KCNK12: variants seen among roughly 807,000 people sequenced by gnomAD.
KCNK12 encodes potassium channel subfamily K member 12.
In KCNK12, 6 loss-of-function variants were observed where a neutral mutation model predicts 25.3. That is an observed-to-expected ratio of 0.24 (90% CI 0.13 to 0.47). The LOEUF is 0.47. Among genes scored for constraint, KCNK12 ranks in the 20% least tolerant of loss-of-function variants. The probability of loss-of-function intolerance (pLI) is 0.99; values close to 1 mark genes in which losing one functional copy is unlikely to be tolerated. For synonymous variants in KCNK12, 331 were observed against 311.1 expected, an observed-to-expected ratio of 1.06 and a Z score of -0.67; for missense variants, 444 against 661.7, an observed-to-expected ratio of 0.67 and a Z score of 3.61.
chr2:47,541,285 T>TA (rs1281889592), intron 1 of KCNK12, among the ~76,000 whole-genome samples: 8 of 152,236 alleles, frequency 5.3e-5, no homozygotes, highest in Admixed American at 3.3e-4. Context: ...CCTGCACTCT[T>TA]AGAGTTTGTG....
In KCNK12 at chr2:47,562,607, GGGTTTGGGGT is replaced by G. The variant is rs1669700511; in HGVS notation, c.391+7324_391+7333del. ...CCTGGTAGGTGGCTAGGGAATGGCA[GGGTTTGGGGT>G]AGAACTTCCTGGGGCCAGAGTCTCA... On this transcript the variant is annotated intron_variant, in intron 1 of 1. Coordinates refer to ENST00000327876, the MANE Select transcript of KCNK12 (RefSeq NM_022055.2). This position sits in a 1 kb window ranked among gnomAD's most constrained non-coding sequence, Gnocchi z 4.8. 4.3e-6 allele frequency: 1 copy of G among 233,456 alleles called. No homozygotes were observed. The highest frequency in any genetic ancestry group is 2.2e-5 in the African/African-American group (1 of 45,370). The allele number at this position is 233,456 out of a possible 1,614,324, so 14.5% of individuals were successfully genotyped here. A position where few individuals can be genotyped will look rare whatever the true frequency, so the allele number is the denominator to read the frequency against.
rs1238471690 is a variant in KCNK12, at chr2:47,538,026, G to A, written c.392-16218C>T. Among the ~76,000 whole-genome samples, 2 of 152,188 alleles carry A rather than the reference G, an allele frequency of 1.3e-5. No individual in the cohort carries two copies. Among genetic ancestry groups the A allele is most frequent in the Admixed American group, 1.3e-4 (2 of 15,290 alleles). Reference sequence around the variant, plus strand: ...ACTTTCCAGGGAGCACGTGTGGTATGAGAATGAAGGCCCCTGAGGAACTTC... The same window carrying A: ...ACTTTCCAGGGAGCACGTGTGGTATAAGAATGAAGGCCCCTGAGGAACTTC... On this transcript the variant is annotated intron_variant, in intron 1 of 1. Transcript: ENST00000327876. This position sits in a 1 kb window ranked among gnomAD's most constrained non-coding sequence, Gnocchi z 4.5.
intron 1 of KCNK12, among the ~76,000 whole-genome samples, chr2:47,524,830 G>A (rs897123465): frequency 6.6e-6 from 1 of 152,138 alleles, no homozygotes; most frequent in African/African-American, 2.4e-5. Context: ...CACTGTATAG[G>A]TGAGGGAGTA....
At position 47,570,254 on chromosome 2, in the gene KCNK12, G is replaced by A. The variant is rs1235306000; in HGVS notation, c.78C>T (p.Cys26=). ...CCTCGTTGAGGTGCGAACGGCGGCA[G>A]CAGCAGCAGCAGCAGGAGGGGCGCG... ...RLPRPSCCCC[C]CRRSHLNEDT... is the part of the protein sequence containing the mutation. Residue 26 remains cysteine (C), a synonymous_variant, in exon 1 of 2, where the codon TGC becomes TGT. Transcript: ENST00000327876. 1 of 1,435,210 alleles carries A rather than the reference G, an allele frequency of 7.0e-7. No individual in the cohort carries two copies. The highest frequency in any genetic ancestry group is 1.4e-5 in the South Asian group (1 of 73,258). The allele number at this position is 1,435,210 out of a possible 1,614,324, so 88.9% of individuals were successfully genotyped here. A position where few individuals can be genotyped will look rare whatever the true frequency, so the allele number is the denominator to read the frequency against.
At chr2:47,564,582 C>T (rs1435042358) in intron 1 of KCNK12, 1 of 194,522 alleles carries the variant, frequency 5.1e-6, no homozygotes, top group South Asian at 1.9e-4. Context: ...GCTCAGTACA[C>T]ATCAGTTAGT....
At chr2:47,532,141 C>T (rs975419166) in intron 1 of KCNK12, among the ~76,000 whole-genome samples, 2 of 151,820 alleles carry the variant, frequency 1.3e-5, no homozygotes, top group Non-Finnish European at 2.9e-5. Flanking sequence ...ATTAGGGATA[C>T]AGCTTTAAAC....
At position 47,548,691 on chromosome 2, in the gene KCNK12, G is replaced by C. The variant is rs184140172; in HGVS notation, c.391+21250C>G. 6.6e-6 allele frequency among the ~76,000 whole-genome samples: 1 copy of C among 152,196 alleles called. No homozygotes were observed. Among genetic ancestry groups the C allele is most frequent in the East Asian group, 1.9e-4 (1 of 5,200 alleles). ...AACCAGGAAACCGGAAAAAGTCTAT[G>C]AGATAATTATTTTCAGACATTGGAA... On this transcript the variant is annotated intron_variant, in intron 1 of 1. Coordinates refer to ENST00000327876, the MANE Select transcript of KCNK12 (RefSeq NM_022055.2). The surrounding 1 kb of genome is among the most constrained non-coding windows in gnomAD (Gnocchi z 4.4).
Position 47,516,137 on chromosome 2 carries a change from G to A in KCNK12, c.*4770C>T, listed in dbSNP as rs979845849. Among the ~76,000 whole-genome samples, 1 of 152,104 alleles carries A rather than the reference G, an allele frequency of 6.6e-6. No individual in the cohort carries two copies. Among genetic ancestry groups the A allele is most frequent in the Non-Finnish European group, 1.5e-5 (1 of 68,010 alleles). On this transcript the variant is annotated 3_prime_UTR_variant, in exon 2 of 2. Coordinates refer to ENST00000327876, the MANE Select transcript of KCNK12 (RefSeq NM_022055.2). ...AGAATTCAGACCTCCTAGTTTCTAA[G>A]TGGACGCTCTTTCTACACCACCATA... is the stretch of plus-strand genomic sequence containing the variant.
chr2:47,542,638 C>T (rs1669225136), intron 1 of KCNK12, among the ~76,000 whole-genome samples: 1 of 152,168 alleles, frequency 6.6e-6, no homozygotes, highest in African/African-American at 2.4e-5. Flanking sequence ...CCCAGTCACA[C>T]TACATAGATT....
rs964136649 is a variant in KCNK12 at position 47,570,393 on chromosome 2, G to C, written c.-62C>G. 62 of 1,211,038 alleles carry C rather than the reference G, an allele frequency of 5.1e-5. No individual in the cohort carries two copies. The highest frequency in any genetic ancestry group is 1.1e-4 in the African/African-American group (7 of 62,866). 75.0% of individuals were successfully genotyped at this position (1,211,038 alleles called of 1,614,324 possible). On this transcript the variant is annotated 5_prime_UTR_variant, in exon 1 of 2. Transcript: ENST00000327876. The stretch of plus-strand genomic sequence containing the variant: ...GGGGCCCGGGCCACGACATCCCCCC[G>C]GCGGGAGCAGGAGCGTGAGGATGGT...
At position 47,520,509 on chromosome 2, in the gene KCNK12, T is replaced by A. The variant is rs996522564; in HGVS notation, c.*398A>T. On this transcript the variant is annotated 3_prime_UTR_variant, in exon 2 of 2. Transcript: ENST00000327876. The surrounding 1 kb of genome is among the most constrained non-coding windows in gnomAD (Gnocchi z 5.0). The stretch of plus-strand genomic sequence containing the variant: ...TAGGCTGGGCCAGGATTCTAAATGC[T>A]GAGGAGGTAATTCAGAGCCACGAAA... 2 of 164,574 alleles carry A rather than the reference T, an allele frequency of 1.2e-5. No homozygotes were observed. The highest frequency in any genetic ancestry group is 4.8e-5 in the African/African-American group (2 of 41,974). 10.2% of individuals were successfully genotyped at this position (164,574 alleles called of 1,614,324 possible).
At position 47,533,786 on chromosome 2, in the gene KCNK12, G is replaced by C. The variant is rs938134605; in HGVS notation, c.392-11978C>G. On this transcript the variant is annotated intron_variant, in intron 1 of 1. Coordinates refer to ENST00000327876, the MANE Select transcript of KCNK12 (RefSeq NM_022055.2). The surrounding 1 kb of genome is among the most constrained non-coding windows in gnomAD (Gnocchi z 4.7). ...TGGGCTGCTCTATTTGTTGGCGCTT[G>C]CTGGTTTGTCTGATTTGCAGAGCTG... Among the ~76,000 whole-genome samples the C allele has an allele frequency of 6.6e-6, 1 of 152,224 alleles. No homozygotes were observed. Among genetic ancestry groups the C allele is most frequent in the Non-Finnish European group, 1.5e-5 (1 of 68,042 alleles).
rs1042334987 is a variant in KCNK12 at position 47,528,132 on chromosome 2, A to C, written c.392-6324T>G. ...TAGCTAGGGAGTGCTGCAGGCCCCAAATGATGCTAAATACTAGACTAGCTG... is the reference window on the plus strand; with the variant it reads ...TAGCTAGGGAGTGCTGCAGGCCCCACATGATGCTAAATACTAGACTAGCTG... On this transcript the variant is annotated intron_variant, in intron 1 of 1. Coordinates refer to ENST00000327876, the MANE Select transcript of KCNK12 (RefSeq NM_022055.2). The surrounding 1 kb of genome is among the most constrained non-coding windows in gnomAD (Gnocchi z 4.5). Among the ~76,000 whole-genome samples the C allele has an allele frequency of 1.3e-5, 2 of 152,186 alleles. No individual in the cohort carries two copies. Among genetic ancestry groups the C allele is most frequent in the Non-Finnish European group, 2.9e-5 (2 of 68,032 alleles).
At chr2:47,543,404 C>G (rs560434370) in intron 1 of KCNK12, 8 of 152,154 alleles carry the variant, frequency 5.3e-5, no homozygotes, top group African/African-American at 1.9e-4. Flanking sequence ...AAGCATTATC[C>G]TCGGTTTTTA....
rs188363681 is a variant in KCNK12 at position 47,513,994 on chromosome 2, G to C, written c.*6913C>G. On this transcript the variant is annotated 3_prime_UTR_variant, in exon 2 of 2. Coordinates refer to ENST00000327876, the MANE Select transcript of KCNK12 (RefSeq NM_022055.2). Reference sequence around the variant, plus strand: ...TTAAAACCCCTCCACTGGCTTGCCAGTGTCCTCAGGATTAGGCGAAAAGTC... The same window carrying C: ...TTAAAACCCCTCCACTGGCTTGCCACTGTCCTCAGGATTAGGCGAAAAGTC... 3.9e-5 allele frequency among the ~76,000 whole-genome samples: 6 copies of C among 152,294 alleles called. No homozygotes were observed. Among genetic ancestry groups the C allele is most frequent in the Non-Finnish European group, 8.8e-5 (6 of 68,022 alleles).
rs754903645 is a variant in KCNK12 at position 47,540,118 on chromosome 2, A to G, written c.392-18310T>C. Among the ~76,000 whole-genome samples the G allele has an allele frequency of 3.3e-5, 5 of 152,214 alleles. No homozygotes were observed. Among genetic ancestry groups the G allele is most frequent in the Non-Finnish European group, 7.3e-5 (5 of 68,036 alleles). On this transcript the variant is annotated intron_variant, in intron 1 of 1. Transcript: ENST00000327876. This position sits in a 1 kb window ranked among gnomAD's most constrained non-coding sequence, Gnocchi z 5.4. Reference sequence around the variant, plus strand: ...TAGCAGAGTACGTGGCACAGAGGAAACACTAAATATGCTTCTTCAGCTCCT... The same window carrying G: ...TAGCAGAGTACGTGGCACAGAGGAAGCACTAAATATGCTTCTTCAGCTCCT...
chr2:47,567,490 C>A (rs143701919), intron 1 of KCNK12, among the ~76,000 whole-genome samples: 13 of 152,138 alleles, frequency 8.5e-5, no homozygotes, highest in African/African-American at 2.7e-4. Flanking sequence ...CATCCAAATG[C>A]ATTTTGCAAA....
chr2:47,570,510 C>T lies in KCNK12; in HGVS notation c.-179G>A, dbSNP rs1669870877. On this transcript the variant is annotated 5_prime_UTR_variant, in exon 1 of 2. Coordinates refer to ENST00000327876, the MANE Select transcript of KCNK12 (RefSeq NM_022055.2). ...GAGCCCGGACAGAGGGGCGCCTCCG[C>T]CTCCTCCCCGGCGCTCAGGCCACAC... The T allele has an allele frequency of 1.4e-5, 8 of 566,506 alleles. No individual in the cohort carries two copies. The highest frequency in any genetic ancestry group is 1.3e-5 in the Non-Finnish European group (5 of 397,378). 35.1% of individuals were successfully genotyped at this position (566,506 alleles called of 1,614,324 possible).
intron 1 of KCNK12, among the ~76,000 whole-genome samples, chr2:47,530,467 G>C (rs1388710172): frequency 6.6e-6 from 1 of 152,186 alleles, no homozygotes; most frequent in Non-Finnish European, 1.5e-5. Context: ...TTTTGGGAAA[G>C]CTGGTGCTAA....
Sources: gnomAD v4.1 joint callset for allele counts (sites outside exome capture counted in the v4.1 genomes callset) on GRCh38, gnomAD v4.1.1 for gene constraint, Gnocchi (gnomAD v3.1) non-coding constraint, MANE v1.5 for transcripts, NCBI Gene and HGNC (gene_info 2026-07-23, HGNC 2026-07-21) for gene names.